The following CPEB1 variants were observed in gnomAD, a reference collection of about 807,000 sequenced individuals.
CPEB1 encodes cytoplasmic polyadenylation element-binding protein 1.
CPEB1 carries 7 observed loss-of-function variants against 65.8 expected under a neutral mutation model. That is an observed-to-expected ratio of 0.11 (90% CI 0.06 to 0.20). The LOEUF (loss-of-function observed/expected upper bound fraction) is 0.20, where lower values mean the gene tolerates loss of function less well. CPEB1 is among the 10% of genes least tolerant of loss of function. The probability of loss-of-function intolerance (pLI) is 1.00; values close to 1 mark genes in which losing one functional copy is unlikely to be tolerated. For missense variants in CPEB1, 551 were observed against 712.2 expected, an observed-to-expected ratio of 0.77 and a Z score of 2.58; for synonymous variants, 262 against 260.0, an observed-to-expected ratio of 1.01 and a Z score of -0.08.
chr15:82,617,979 C>T (rs1309134276), intron 3 of CPEB1, among the ~76,000 whole-genome samples: 3 of 151,346 alleles, frequency 2.0e-5, no homozygotes, highest in East Asian at 1.9e-4. Context: ...GTGATCCGCC[C>T]GCCTCGGCCT....
chr15:82,584,066 T>C (rs1379320720), intron 3 of CPEB1, among the ~76,000 whole-genome samples: 1 of 151,028 alleles, frequency 6.6e-6, no homozygotes, highest in Non-Finnish European at 1.5e-5. Flanking sequence ...GAAACCATCC[T>C]GGCTAACAAT....
chr15:82,633,650 G>C (rs907111137), intron 1 of CPEB1, among the ~76,000 whole-genome samples: 1 of 152,224 alleles, frequency 6.6e-6, no homozygotes, highest in Non-Finnish European at 1.5e-5. Context: ...TGGGATTATA[G>C]GCATGAGCCA....
rs72751685 is a variant in CPEB1, at chr15:82,645,473, T to A, written c.-98+1664A>T. 7.5e-3 allele frequency among the ~76,000 whole-genome samples: 1,139 copies of A among 151,838 alleles called. 13 individuals carry two copies. Among genetic ancestry groups the A allele is most frequent in the Non-Finnish European group, 8.5e-3 (576 of 67,828 alleles). On this transcript the variant is annotated intron_variant, in intron 1 of 12. Coordinates refer to ENST00000684509, the MANE Select transcript of CPEB1 (RefSeq NM_001365242.1). ...GGGCCGTACTTTTTTATTACAAAGGTTGACTTACACACAGAGTAGTCAACT... is the reference window on the plus strand; with the variant it reads ...GGGCCGTACTTTTTTATTACAAAGGATGACTTACACACAGAGTAGTCAACT...
chr15:82,640,454 A>G (rs1288560441), intron 1 of CPEB1, among the ~76,000 whole-genome samples: 1 of 152,134 alleles, frequency 6.6e-6, no homozygotes, highest in Non-Finnish European at 1.5e-5. Context: ...CTGTACTTCT[A>G]GTTGCCTAAA....
chr15:82,559,608 G>C (rs888344480), intron 4 of CPEB1, among the ~76,000 whole-genome samples: 1 of 152,146 alleles, frequency 6.6e-6, no homozygotes, highest in Non-Finnish European at 1.5e-5. Context: ...GGGTGGGGTG[G>C]AGCCACAGCA....
chr15:82,631,752 A>G (rs1297763657), intron 1 of CPEB1, among the ~76,000 whole-genome samples: 1 of 152,136 alleles, frequency 6.6e-6, no homozygotes, highest in Non-Finnish European at 1.5e-5. Flanking sequence ...CTTCCTCTTA[A>G]TCATTTGACT....
intron 4 of CPEB1, among the ~76,000 whole-genome samples, chr15:82,566,131 C>A (rs904214999): frequency 2.6e-5 from 4 of 152,182 alleles, no homozygotes; most frequent in Admixed American, 6.5e-5. Flanking sequence ...CCCAAGAGTA[C>A]AAAGGCACCT....
intron 3 of CPEB1, among the ~76,000 whole-genome samples, chr15:82,591,812 GATTC>G (rs1455425998): frequency 6.7e-6 from 1 of 149,118 alleles, no homozygotes; most frequent in Non-Finnish European, 1.5e-5. Context: ...ATGTTTTTAA[GATTC>G]ATCATTGTTT....
At chr15:82,647,988 G>A (rs1289552952), upstream of CPEB1, 2 of 776,610 alleles carry the variant, frequency 2.6e-6, no homozygotes, top group South Asian at 6.4e-5. Flanking sequence ...CACCCCGGCA[G>A]CTTATGAAGC....
intron 4 of CPEB1, 143 bp downstream of exon 4, chr15:82,571,201 T>C (rs2039974780): frequency 2.8e-6 from 3 of 1,089,578 alleles, no homozygotes; most frequent in South Asian, 1.8e-5. Context: ...TGCATTTCCA[T>C]CTCTTGCAAA....
chr15:82,645,713 C>A (rs587600536), intron 1 of CPEB1, among the ~76,000 whole-genome samples: 2 of 151,886 alleles, frequency 1.3e-5, no homozygotes, highest in African/African-American at 4.8e-5. Context: ...ACTAAAAATA[C>A]AAAAATCAGC....
Position 82,544,587 on chromosome 15 carries a change from C to T in CPEB1, c.*5G>A. On this transcript the variant is annotated 3_prime_UTR_variant, in exon 13 of 13. Transcript: ENST00000684509. ...GCCACAGGCCACTGGGCAAGGCCAG[C>T]TCCTCTAGCTGGAATCTCGGTTCTT... The T allele has an allele frequency of 1.7e-5, 27 of 1,611,018 alleles. No homozygotes were observed. The highest frequency in any genetic ancestry group is 2.1e-5 in the Non-Finnish European group (25 of 1,178,710).
chr15:82,547,111 C>G, intron 11 of CPEB1, 32 bp downstream of exon 11: 1 of 1,483,522 alleles, frequency 6.7e-7, no homozygotes, highest in Non-Finnish European at 9.4e-7. Context: ...TCTCATATAC[C>G]CCAGAGTAAG....
rs553115961 is a variant in CPEB1, at chr15:82,594,227, A to C, written c.272-22695T>G. On this transcript the variant is annotated intron_variant, in intron 3 of 12. Transcript: ENST00000684509. ...CATCTACATTGAGAATCTGTTGTTG[A>C]GTGTAGCCATCTTACCAATGATCTT... Among the ~76,000 whole-genome samples, 5 of 152,314 alleles carry C rather than the reference A, an allele frequency of 3.3e-5. No homozygotes were observed. The East Asian group carries it at 9.6e-4, about 29-fold the overall frequency.
intron 3 of CPEB1, among the ~76,000 whole-genome samples, chr15:82,580,000 G>A (rs2041107976): frequency 1.4e-5 from 2 of 146,428 alleles, no homozygotes; most frequent in South Asian, 4.3e-4. Flanking sequence ...AAACTCAGCG[G>A]GAGAAGTGGA....
intron 3 of CPEB1, among the ~76,000 whole-genome samples, chr15:82,597,895 G>A (rs927462341): frequency 6.6e-6 from 1 of 152,184 alleles, no homozygotes; most frequent in African/African-American, 2.4e-5. Flanking sequence ...TAACAAAATA[G>A]GAGAGCTGCT....
chr15:82,629,248 C>T (rs2046032906), intron 1 of CPEB1: 2 of 984,916 alleles, frequency 2.0e-6, no homozygotes, highest in African/African-American at 3.5e-5. Context: ...ATATGTAAAG[C>T]ATTTTGCATG....
rs1055440911 is a variant in CPEB1 at position 82,547,645 on chromosome 15, C to T, written c.1481-408G>A. Among the ~76,000 whole-genome samples the T allele has an allele frequency of 6.6e-5, 10 of 151,758 alleles. No homozygotes were observed. The South Asian group carries it at 8.3e-4, about 13-fold the overall frequency. ...AACCCTTTACGATACTAGTGCTGTC[C>T]GACAGAAATATAATGTGAGCTACTA... On this transcript the variant is annotated intron_variant, in intron 10 of 12. Coordinates refer to ENST00000684509, the MANE Select transcript of CPEB1 (RefSeq NM_001365242.1).
In CPEB1 at chr15:82,553,973, C is replaced by T. The variant is rs2036737011; in HGVS notation, c.959G>A (p.Cys320Tyr). Residue 320 changes from cysteine to tyrosine, a missense_variant, in exon 7 of 13, where the codon TGT becomes TAT. By Grantham distance (194) the Cys-to-Tyr change is radical. Coordinates refer to ENST00000684509, the MANE Select transcript of CPEB1 (RefSeq NM_001365242.1). ...GGGAGGAAGCTGGCCACTCCAGGTA[C>T]AGGTGGCTTCATTCACAGCTTTGGT... ...RQAAAVNEAT[C>Y]TWSGQLPPRN... 1.2e-6 allele frequency: 2 copies of T among 1,605,192 alleles called. No homozygotes were observed. The highest frequency in any genetic ancestry group is 1.7e-6 in the Non-Finnish European group (2 of 1,177,154).
Sources: allele counts gnomAD v4.1 joint callset (sites outside exome capture counted in the v4.1 genomes callset), GRCh38; gene constraint gnomAD v4.1.1; transcripts MANE v1.5; gene names NCBI Gene and HGNC (gene_info 2026-07-23, HGNC 2026-07-21).